Variants in ASF1B observed in about 807,000 individuals in gnomAD.
ASF1B encodes histone chaperone ASF1B.
Under a neutral mutation model 16.6 loss-of-function variants are expected in ASF1B, and 10 were observed. The ratio of observed to expected loss-of-function variants is 0.60; its 90% CI spans 0.37 to 1.02. ASF1B has a LOEUF of 1.02. Among genes scored for constraint, ASF1B ranks in the 50% least tolerant of loss-of-function variants. The probability of loss-of-function intolerance (pLI) is 0.01; values close to 1 mark genes in which losing one functional copy is unlikely to be tolerated. For synonymous variants in ASF1B, 101 were observed against 106.2 expected, an observed-to-expected ratio of 0.95 and a Z score of 0.30; for missense variants, 240 against 266.0, an observed-to-expected ratio of 0.90 and a Z score of 0.68.
Position 14,136,372 on chromosome 19 carries a change from C to G in ASF1B, c.85G>C (p.Glu29Gln), listed in dbSNP as rs762937274. 6.8e-6 allele frequency: 11 copies of G among 1,613,298 alleles called. No individual in the cohort carries two copies. In the South Asian group the frequency reaches 9.9e-5, roughly 14 times the overall value. Residue 29 changes from glutamate to glutamine, a missense_variant, in exon 1 of 4, where the codon GAG becomes CAG. Glu to Gln is a conservative substitution (Grantham distance 29, BLOSUM62 2). Coordinates refer to ENST00000263382, the MANE Select transcript of ASF1B (RefSeq NM_018154.3). Reference sequence around the variant, plus strand: ...CCGTCCGCCAGGGCTTCACTGCACTCGAAGCTGATCTCGAACCGGAAGGGG... The same window carrying G: ...CCGTCCGCCAGGGCTTCACTGCACTGGAAGCTGATCTCGAACCGGAAGGGG... ...HSPFRFEISF[E>Q]CSEALADDLE...
At chr19:14,135,572 G>T (rs1414875163) in intron 1 of ASF1B, among the ~76,000 whole-genome samples, 1 of 152,138 alleles carries the variant, frequency 6.6e-6, no homozygotes, top group Non-Finnish European at 1.5e-5. Context: ...TGAAATATTG[G>T]CAGGTTGGGG....
At chr19:14,135,952 T>C (rs1036279886) in intron 1 of ASF1B, among the ~76,000 whole-genome samples, 4 of 150,236 alleles carry the variant, frequency 2.7e-5, no homozygotes, top group African/African-American at 4.9e-5. Context: ...GGTCTCCCCA[T>C]GAAAACGGGT....
In ASF1B at chr19:14,121,567, G is replaced by A. The variant is rs147599228; in HGVS notation, c.367C>T (p.Arg123Cys). The A allele has an allele frequency of 3.5e-5, 57 of 1,613,760 alleles. No homozygotes were observed. Among genetic ancestry groups the A allele is most frequent in the African/African-American group, 9.4e-5 (7 of 74,866 alleles). The change falls in exon 3 of 4, where the codon CGT becomes TGT. Residue 123 changes from arginine (R) to cysteine (C), a missense_variant. Arg to Cys is a radical substitution (Grantham distance 180, BLOSUM62 -3). Transcript: ENST00000263382. ...TCTGGCTTCATGGGCGGGTTCTCACGCAGCTCAGGGTTGAGGTACTCGTTG... is the reference window on the plus strand; with the variant it reads ...TCTGGCTTCATGGGCGGGTTCTCACACAGCTCAGGGTTGAGGTACTCGTTG... Reference protein sequence around the residue: ...VNNEYLNPELRENPPMKPDFS... With the variant: ...VNNEYLNPELCENPPMKPDFS...
intron 2 of ASF1B, among the ~76,000 whole-genome samples, chr19:14,124,458 C>T (rs1967288789): frequency 6.6e-6 from 1 of 152,176 alleles, no homozygotes; most frequent in Non-Finnish European, 1.5e-5. Flanking sequence ...CTACATTTGA[C>T]AACCCAGGTG....
chr19:14,120,420 G>GC lies in ASF1B; in HGVS notation c.*38dup, dbSNP rs1404822614. Reference sequence around the variant, plus strand: ...GCAGGACTCGCTGGGAGGCCTGGTTGCCCCTCCCGGCGTGCTGGGACACTC... The same window carrying GC: ...GCAGGACTCGCTGGGAGGCCTGGTTGCCCCCTCCCGGCGTGCTGGGACACTC... On this transcript the variant is annotated 3_prime_UTR_variant, in exon 4 of 4. Transcript: ENST00000263382. The GC allele has an allele frequency of 6.3e-7, 1 of 1,598,656 alleles. No individual in the cohort carries two copies. The highest frequency in any genetic ancestry group is 8.5e-7 in the Non-Finnish European group (1 of 1,170,110).
intron 1 of ASF1B, among the ~76,000 whole-genome samples, chr19:14,130,662 CAT>C (rs1391701512): frequency 1.3e-5 from 2 of 152,094 alleles, no homozygotes; most frequent in East Asian, 1.9e-4. Flanking sequence ...CAGCTGTACA[CAT>C]GACGTGTGTA....
At position 14,136,401 on chromosome 19, in the gene ASF1B, T is replaced by C. The variant is rs971753076; in HGVS notation, c.56A>G (p.His19Arg). 6.2e-7 allele frequency: 1 copy of C among 1,613,682 alleles called. No individual in the cohort carries two copies. Among genetic ancestry groups the C allele is most frequent in the Non-Finnish European group, 8.5e-7 (1 of 1,179,760 alleles). The change falls in exon 1 of 4, where the codon CAC (histidine) becomes CGC (arginine). Residue 19 changes from histidine (H) to arginine (R), a missense_variant. Physicochemically the swap from His to Arg is conservative, Grantham distance 29. Transcript: ENST00000263382. The stretch of plus-strand genomic sequence containing the variant: ...GCTGATCTCGAACCGGAAGGGGCTG[T>C]GGAAAGGGCTCGGGTTCTCCAGGAC... Reference protein sequence around the residue: ...VAVLENPSPFHSPFRFEISFE... With the variant: ...VAVLENPSPFRSPFRFEISFE...
intron 1 of ASF1B, among the ~76,000 whole-genome samples, chr19:14,128,979 C>A (rs911199625): frequency 1.3e-5 from 2 of 152,194 alleles, no homozygotes; most frequent in Non-Finnish European, 2.9e-5. Context: ...CCCACGAGCA[C>A]CTGATGTTGT....
intron 1 of ASF1B, among the ~76,000 whole-genome samples, chr19:14,135,061 T>G (rs1380861390): frequency 6.6e-6 from 1 of 151,416 alleles, no homozygotes. Flanking sequence ...CTGCCTCCAC[T>G]AAAAATACTA....
In ASF1B at chr19:14,119,591, C is replaced by T. The variant is rs543939270; in HGVS notation, c.*868G>A. 6.5e-6 allele frequency: 1 copy of T among 152,800 alleles called. No homozygotes were observed. Among genetic ancestry groups the T allele is most frequent in the Non-Finnish European group, 1.5e-5 (1 of 68,048 alleles). 9.5% of individuals were successfully genotyped at this position (152,800 alleles called of 1,614,324 possible). A position where few individuals can be genotyped will look rare whatever the true frequency, so the allele number is the denominator to read the frequency against. ...TTTGATAATATACAAACAGCAATCA[C>T]AACAGCATCCACATGGCAGCAAGGG... On this transcript the variant is annotated 3_prime_UTR_variant, in exon 4 of 4. Transcript: ENST00000263382.
rs565210788 is a variant in ASF1B at position 14,119,593 on chromosome 19, A to G, written c.*866T>C. The G allele has an allele frequency of 6.5e-6, 1 of 152,816 alleles. No homozygotes were observed. Among genetic ancestry groups the G allele is most frequent in the African/African-American group, 2.4e-5 (1 of 41,592 alleles). 9.5% of individuals were successfully genotyped at this position (152,816 alleles called of 1,614,324 possible). A position where few individuals can be genotyped will look rare whatever the true frequency, so the allele number is the denominator to read the frequency against. Reference sequence around the variant, plus strand: ...TGATAATATACAAACAGCAATCACAACAGCATCCACATGGCAGCAAGGGGA... The same window carrying G: ...TGATAATATACAAACAGCAATCACAGCAGCATCCACATGGCAGCAAGGGGA... On this transcript the variant is annotated 3_prime_UTR_variant, in exon 4 of 4. Coordinates refer to ENST00000263382, the MANE Select transcript of ASF1B (RefSeq NM_018154.3).
At chr19:14,123,944 C>G (rs1389301475) in intron 2 of ASF1B, among the ~76,000 whole-genome samples, 1 of 152,050 alleles carries the variant, frequency 6.6e-6, no homozygotes, top group African/African-American at 2.4e-5. Context: ...ATGTGCACCA[C>G]CACATCCAGC....
rs748661613 is a variant in ASF1B, at chr19:14,120,549, G to T, written c.519C>A (p.Gly173=). 1 of 1,613,654 alleles carries T rather than the reference G, an allele frequency of 6.2e-7. No individual in the cohort carries two copies. The highest frequency in any genetic ancestry group is 1.1e-5 in the South Asian group (1 of 91,048). The change falls in exon 4 of 4, where the codon GGC becomes GGA. Residue 173 remains glycine, a synonymous_variant. Transcript: ENST00000263382. ...IETQDPSLGC[G]LPLNCTPIKG... is the part of the protein sequence containing the mutation. ...TGATAGGAGTGCAGTTGAGTGGGAG[G>T]CCGCAGCCCAGGGAGGGGTCCTGGG...
At chr19:14,125,265 C>G (rs1967300842) in intron 2 of ASF1B, among the ~76,000 whole-genome samples, 1 of 152,148 alleles carries the variant, frequency 6.6e-6, no homozygotes, top group South Asian at 2.1e-4. Context: ...TCATAGCCGT[C>G]CTGGTGTCTT....
Position 14,120,493 on chromosome 19 carries a change from C to A in ASF1B, c.575G>T (p.Gly192Val). 6.2e-7 allele frequency: 1 copy of A among 1,612,896 alleles called. No individual in the cohort carries two copies. Among genetic ancestry groups the A allele is most frequent in the Non-Finnish European group, 8.5e-7 (1 of 1,179,360 alleles). ...GTCCATGGAGTTCTCAGGGAGGAGG[C>A]CAGGGATGCAGCCAGGGAGCCCCAA... ...KGLGLPGCIP[G>V]LLPENSMDCI is the part of the protein sequence containing the mutation. Residue 192 changes from glycine (G) to valine (V), a missense_variant, in exon 4 of 4, where the codon GGC (glycine) becomes GTC (valine). By Grantham distance (109) the Gly-to-Val change is moderately radical. Transcript: ENST00000263382.
intron 1 of ASF1B, among the ~76,000 whole-genome samples, chr19:14,130,478 G>C (rs573357085): frequency 2.0e-5 from 3 of 150,786 alleles, no homozygotes; most frequent in Admixed American, 1.3e-4. Context: ...AGTCCAGTCT[G>C]GGCAACATAG....
intron 3 of ASF1B, among the ~76,000 whole-genome samples, chr19:14,121,054 C>T (rs894225269): frequency 6.6e-6 from 1 of 151,756 alleles, no homozygotes; most frequent in African/African-American, 2.4e-5. Context: ...CTCCTGACCT[C>T]AGGTGATCCT....
At chr19:14,131,489 T>C (rs1390219412) in intron 1 of ASF1B, among the ~76,000 whole-genome samples, 2 of 150,132 alleles carry the variant, frequency 1.3e-5, no homozygotes, top group African/African-American at 2.5e-5. Flanking sequence ...CTTTTTCTTT[T>C]TTTTTTTTTT....
chr19:14,131,600 AG>A (rs1201963622), intron 1 of ASF1B, among the ~76,000 whole-genome samples: 1 of 149,786 alleles, frequency 6.7e-6, no homozygotes, highest in African/African-American at 2.5e-5. Context: ...CTCCTGCCTC[AG>A]CCTCCCGAGT....
Sources: allele counts gnomAD v4.1 joint callset (sites outside exome capture counted in the v4.1 genomes callset), GRCh38; gene constraint gnomAD v4.1.1; transcripts MANE v1.5; gene names NCBI Gene and HGNC (gene_info 2026-07-23, HGNC 2026-07-21).